Variants in CAB39 observed in about 807,000 individuals in gnomAD.
The protein encoded by CAB39 is calcium binding protein 39, also known as calcium-binding protein 39.
Under a neutral mutation model 40.0 loss-of-function variants are expected in CAB39, and 8 were observed. The observed-to-expected ratio is 0.20, with a 90% confidence interval of 0.12 to 0.36. The LOEUF is 0.36. Ranked by LOEUF, CAB39 falls within the 10% of genes least tolerant of loss-of-function variation. The pLI is 1.00. For synonymous variants in CAB39, 156 were observed against 141.6 expected (o/e 1.10, Z -0.72); for missense variants, 270 against 401.1 (o/e 0.67, Z 2.79).
intron 1 of CAB39, among the ~76,000 whole-genome samples, chr2:230,742,532 A>G (rs1694899227): frequency 6.6e-6 from 1 of 151,782 alleles, no homozygotes; most frequent in Admixed American, 6.6e-5. Context: ...TTGAAATGCA[A>G]ATGGCAAACT....
In CAB39 at chr2:230,745,110, C is replaced by T. The variant is rs78894231; in HGVS notation, c.-43-14849C>T. On this transcript the variant is annotated intron_variant, in intron 1 of 8. Transcript: ENST00000258418. ...TTTTAAACAATACATTCACTAAGCC[C>T]ATTTCATTAAGTACTCATTGTTTAA... 1.6e-3 allele frequency among the ~76,000 whole-genome samples: 241 copies of T among 152,246 alleles called. 4 individuals are homozygous for T. The East Asian group carries it at 0.035, about 22-fold the overall frequency.
intron 8 of CAB39, among the ~76,000 whole-genome samples, 175 bp from the exon 9 acceptor site, chr2:230,818,338 AATT>A (rs1329815193): frequency 2.0e-5 from 3 of 152,200 alleles, no homozygotes; most frequent in Admixed American, 6.5e-5. Context: ...TAAAACATGT[AATT>A]ATTATTTTTT....
chr2:230,783,578 C>G (rs1486189178), intron 2 of CAB39, among the ~76,000 whole-genome samples: 1 of 151,092 alleles, frequency 6.6e-6, no homozygotes, highest in Non-Finnish European at 1.5e-5. Flanking sequence ...CACCACTCCC[C>G]ACCCCCACCC....
At position 230,818,638 on chromosome 2, in the gene CAB39, C is replaced by G. The variant is rs140484947; in HGVS notation, c.960C>G (p.Asn320Lys). The G allele has an allele frequency of 1.2e-6, 2 of 1,614,006 alleles. No homozygotes were observed. Among genetic ancestry groups the G allele is most frequent in the African/African-American group, 2.7e-5 (2 of 74,924 alleles). Reference protein sequence around the residue: ...QNDRTEDEQFNDEKTYLVKQI... With the variant: ...QNDRTEDEQFKDEKTYLVKQI... The stretch of plus-strand genomic sequence containing the variant: ...ACAGGACGGAGGATGAGCAGTTTAA[C>G]GACGAGAAGACCTATTTAGTTAAAC... Residue 320 changes from asparagine to lysine, a missense_variant, in exon 9 of 9, where the codon AAC (asparagine) becomes AAG (lysine). Transcript: ENST00000258418.
chr2:230,782,980 T>TTTTTTGTTTTTGTTTTTGTTTTTG (rs112776434), intron 2 of CAB39, among the ~76,000 whole-genome samples: 110 of 147,948 alleles, frequency 7.4e-4, no homozygotes, highest in African/African-American at 2.7e-3. Context: ...GCCTGGCTAA[T>TTTTTTGTTTTTGTTTTTGTTTTTG]TTTTTGTTTT....
chr2:230,787,353 A>C lies in CAB39; in HGVS notation c.115-3519A>C, dbSNP rs527991730. Among the ~76,000 whole-genome samples the C allele has an allele frequency of 1.7e-4, 26 of 152,274 alleles. No homozygotes were observed. The South Asian group carries it at 2.3e-3, about 13-fold the overall frequency. On this transcript the variant is annotated intron_variant, in intron 2 of 8. Transcript: ENST00000258418. ...CAGCATTTTAGTCAATGATTGAGGC[A>C]GGTCATGGGAGACATACATATGAGA...
At chr2:230,729,333 G>T (rs1694644910) in intron 1 of CAB39, among the ~76,000 whole-genome samples, 1 of 152,180 alleles carries the variant, frequency 6.6e-6, no homozygotes. Flanking sequence ...TAATGTCTTG[G>T]CCAGTGCAAG....
chr2:230,811,989 A>G (rs1461091620), intron 6 of CAB39, among the ~76,000 whole-genome samples: 2 of 152,266 alleles, frequency 1.3e-5, no homozygotes, highest in Non-Finnish European at 2.9e-5. Flanking sequence ...CAGATCTTAT[A>G]GAGGGAGAAG....
At chr2:230,747,609 A>G (rs1694998238) in intron 1 of CAB39, among the ~76,000 whole-genome samples, 2 of 152,250 alleles carry the variant, frequency 1.3e-5, no homozygotes, top group African/African-American at 4.8e-5. Flanking sequence ...GCATAAATCT[A>G]ACTTTTAACT....
At chr2:230,730,257 C>T (rs1168614705) in intron 1 of CAB39, among the ~76,000 whole-genome samples, 2 of 152,010 alleles carry the variant, frequency 1.3e-5, no homozygotes, top group African/African-American at 4.8e-5. Flanking sequence ...TGCAGGTGCA[C>T]ACCACCACAC....
At chr2:230,767,408 CT>C (rs1695405747) in intron 2 of CAB39, among the ~76,000 whole-genome samples, 1 of 152,208 alleles carries the variant, frequency 6.6e-6, no homozygotes, top group African/African-American at 2.4e-5. Flanking sequence ...CCCTGGATTA[CT>C]GTAGTGTCCT....
chr2:230,795,180 G>C (rs1453052341), intron 4 of CAB39, among the ~76,000 whole-genome samples: 1 of 151,734 alleles, frequency 6.6e-6, no homozygotes, highest in Non-Finnish European at 1.5e-5. Context: ...GGAGGCTGAG[G>C]CACAAGAATA....
chr2:230,714,748 A>G (rs1400239368), intron 1 of CAB39, among the ~76,000 whole-genome samples: 1 of 152,232 alleles, frequency 6.6e-6, no homozygotes, highest in African/African-American at 2.4e-5. Context: ...AAATCTTTAT[A>G]GTAGAGCCAG....
At position 230,790,941 on chromosome 2, in the gene CAB39, C is replaced by T; in HGVS notation, c.184C>T (p.Pro62Ser). The change falls in exon 3 of 9, where the codon CCT becomes TCT. Residue 62 changes from proline (P) to serine (S), a missense_variant. By Grantham distance (74) the Pro-to-Ser change is moderately conservative (BLOSUM62 -1). Transcript: ENST00000258418. ...EILYGTNEKE[P>S]QTEAVAQLAQ... ...TCTGTATGGCACAAATGAAAAAGAGCCTCAGACAGAAGCAGTAGCTCAACT... is the reference window on the plus strand; with the variant it reads ...TCTGTATGGCACAAATGAAAAAGAGTCTCAGACAGAAGCAGTAGCTCAACT... The T allele has an allele frequency of 6.2e-7, 1 of 1,612,990 alleles. No individual in the cohort carries two copies. The highest frequency in any genetic ancestry group is 1.1e-5 in the South Asian group (1 of 91,022).
At chr2:230,767,788 C>T (rs1695413739) in intron 2 of CAB39, among the ~76,000 whole-genome samples, 1 of 152,186 alleles carries the variant, frequency 6.6e-6, no homozygotes, top group African/African-American at 2.4e-5. Flanking sequence ...GTCTCCTTTC[C>T]TCATGCACTC....
At chr2:230,786,188 A>G (rs1695790508) in intron 2 of CAB39, among the ~76,000 whole-genome samples, 1 of 146,706 alleles carries the variant, frequency 6.8e-6, no homozygotes, top group Admixed American at 6.8e-5. Flanking sequence ...AAAAAAAAAA[A>G]GAGATGGAGT....
At chr2:230,725,180 C>T (rs963054558) in intron 1 of CAB39, 21 of 1,612,388 alleles carry the variant, frequency 1.3e-5, no homozygotes, top group East Asian at 1.1e-4. Context: ...AAGGCAGTCC[C>T]GGGACTGCTT....
intron 1 of CAB39, among the ~76,000 whole-genome samples, chr2:230,751,774 A>G (rs1695089374): frequency 6.6e-6 from 1 of 152,186 alleles, no homozygotes; most frequent in African/African-American, 2.4e-5. Flanking sequence ...GTTCTGGAGA[A>G]GAGAGTAGAC....
intron 1 of CAB39, among the ~76,000 whole-genome samples, chr2:230,722,560 G>A (rs563859067): frequency 6.6e-6 from 1 of 152,308 alleles, no homozygotes; most frequent in South Asian, 2.1e-4. Context: ...TGTGTTGTTG[G>A]GCAGGGTGTT....
Sources: allele counts gnomAD v4.1 joint callset (sites outside exome capture counted in the v4.1 genomes callset), GRCh38; gene constraint gnomAD v4.1.1; transcripts MANE v1.5; gene names NCBI Gene and HGNC (gene_info 2026-07-23, HGNC 2026-07-21).